Variants in HFM1 observed in about 807,000 individuals in gnomAD.
The protein encoded by HFM1 is helicase for meiosis 1.
In HFM1, 169 loss-of-function variants were observed where a neutral mutation model predicts 192.1. That is an observed-to-expected ratio of 0.88 (90% CI 0.78 to 1.00). The LOEUF is 1.00. Among genes scored for constraint, HFM1 ranks in the 50% least tolerant of loss-of-function variants. The pLI is 0.00. For synonymous variants in HFM1, 525 were observed against 537.8 expected (o/e 0.98, Z 0.33); for missense variants, 1,661 against 1,668.0 (o/e 1.00, Z 0.07).
In HFM1 at chr1:91,319,302, T is replaced by C. The variant is rs1286723011; in HGVS notation, c.2671A>G (p.Ile891Val). The C allele has an allele frequency of 2.5e-6, 4 of 1,609,480 alleles. No homozygotes were observed. Among genetic ancestry groups the C allele is most frequent in the Non-Finnish European group, 3.4e-6 (4 of 1,175,962 alleles). ...TAATCCTGTAACATACATCTTGTAA[T>C]TCGGGAGCCATGTCTGAAAATCTTT... Reference protein sequence around the residue: ...TAKIFRHGSRITRWLSDFVAA... With the variant: ...TAKIFRHGSRVTRWLSDFVAA... The change falls in exon 24 of 39, where the codon ATT (isoleucine) becomes GTT (valine). Residue 891 changes from isoleucine (I) to valine (V), a missense_variant. Coordinates refer to ENST00000370425, the MANE Select transcript of HFM1 (RefSeq NM_001017975.6).
chr1:91,292,751 C>T (rs1364242424), intron 30 of HFM1, among the ~76,000 whole-genome samples: 2 of 152,136 alleles, frequency 1.3e-5, no homozygotes, highest in Non-Finnish European at 2.9e-5. Flanking sequence ...CCAAGTCAAT[C>T]CTAAGCCAAA....
chr1:91,350,676 G>C, intron 18 of HFM1, 62 bp downstream of exon 18: 1 of 1,475,870 alleles, frequency 6.8e-7, no homozygotes, highest in Non-Finnish European at 9.4e-7. Context: ...TAACTTATTA[G>C]TATAAATACA....
intron 20 of HFM1, among the ~76,000 whole-genome samples, chr1:91,341,705 A>C (rs1372481416): frequency 6.6e-6 from 1 of 152,146 alleles, no homozygotes; most frequent in Non-Finnish European, 1.5e-5. Context: ...ATAACAAACA[A>C]AAAAACAGAA....
intron 2 of HFM1, among the ~76,000 whole-genome samples, chr1:91,399,366 T>C (rs1230748884): frequency 6.6e-6 from 1 of 152,176 alleles, no homozygotes; most frequent in Non-Finnish European, 1.5e-5. Context: ...CTCTAGATTA[T>C]ACCTACAGTT....
rs892526483 is a variant in HFM1, at chr1:91,313,490, G to A, written c.3250C>T (p.Leu1084Phe). ...INLISSEFVG[L>F]DIQQKLTVFY... Reference sequence around the variant, plus strand: ...ACTGTAAGTTTCTGCTGAATATCAAGCCCAACTGGAAAATGAAAAAAAAGT... The same window carrying A: ...ACTGTAAGTTTCTGCTGAATATCAAACCCAACTGGAAAATGAAAAAAAAGT... The change falls in exon 30 of 39, where the codon CTT becomes TTT. Residue 1084 changes from leucine to phenylalanine, a missense_variant. Leu to Phe is a conservative substitution (Grantham distance 22). Coordinates refer to ENST00000370425, the MANE Select transcript of HFM1 (RefSeq NM_001017975.6). The A allele has an allele frequency of 6.4e-7, 1 of 1,570,662 alleles. No individual in the cohort carries two copies. The highest frequency in any genetic ancestry group is 8.6e-7 in the Non-Finnish European group (1 of 1,160,046).
chr1:91,340,603 T>C (rs1557876172), intron 20 of HFM1, among the ~76,000 whole-genome samples: 1 of 152,024 alleles, frequency 6.6e-6, no homozygotes, highest in Non-Finnish European at 1.5e-5. Flanking sequence ...CATACCAATA[T>C]CAACCTTGAA....
At chr1:91,347,499 A>G in intron 18 of HFM1, 23 bp from the exon 19 acceptor site, 1 of 1,556,934 alleles carries the variant, frequency 6.4e-7, no homozygotes, top group Non-Finnish European at 8.8e-7. Context: ...AAAAAGTAAA[A>G]TAGAATTTAG....
chr1:91,407,829 G>C (rs1251916398), upstream of HFM1, among the ~76,000 whole-genome samples: 4 of 152,228 alleles, frequency 2.6e-5, no homozygotes, highest in African/African-American at 9.6e-5. Context: ...AATGCCATGA[G>C]TTCTAGCTGA....
At chr1:91,273,470 C>A (rs281965) in intron 34 of HFM1, among the ~76,000 whole-genome samples, 151,990 of 152,172 alleles carry the variant, frequency 1, 75,904 homozygotes, top group Non-Finnish European at 1. Flanking sequence ...CTCATAGTAT[C>A]TTTAAATTAA....
intron 11 of HFM1, among the ~76,000 whole-genome samples, chr1:91,376,518 G>A (rs796392172): frequency 1.3e-5 from 2 of 151,738 alleles, no homozygotes; most frequent in African/African-American, 4.8e-5. Context: ...ATCACAAAGG[G>A]GAAAAGTTTC....
chr1:91,375,260 G>C (rs907152780), intron 13 of HFM1, 98 bp downstream of exon 13: 2 of 755,776 alleles, frequency 2.6e-6, no homozygotes, highest in African/African-American at 3.5e-5. Context: ...AGGACACTGA[G>C]GTTTACCCCA....
At chr1:91,321,654 C>T (rs1206416454) in intron 23 of HFM1, among the ~76,000 whole-genome samples, 1 of 152,098 alleles carries the variant, frequency 6.6e-6, no homozygotes, top group African/African-American at 2.4e-5. Context: ...ATTAAGACCC[C>T]TCCATCCCAC....
intron 13 of HFM1, among the ~76,000 whole-genome samples, chr1:91,371,821 T>G (rs912176400): frequency 1.4e-4 from 22 of 152,062 alleles, no homozygotes; most frequent in Admixed American, 1.2e-3. Flanking sequence ...TGGGAGAAAA[T>G]TTTTGCCATC....
At chr1:91,369,332 TG>T (rs1455810058) in intron 13 of HFM1, among the ~76,000 whole-genome samples, 1 of 152,124 alleles carries the variant, frequency 6.6e-6, no homozygotes, top group Non-Finnish European at 1.5e-5. Context: ...ATTCCAAAAT[TG>T]ACCACATAGT....
At chr1:91,324,323 T>C (rs1054108979) in intron 21 of HFM1, among the ~76,000 whole-genome samples, 3 of 152,232 alleles carry the variant, frequency 2.0e-5, no homozygotes, top group African/African-American at 7.2e-5. Flanking sequence ...ACTTTCCTAA[T>C]ATATCACACC....
At position 91,347,892 on chromosome 1, in the gene HFM1, G is replaced by GAT. The variant is rs1318489711; in HGVS notation, c.2207-418_2207-417dup. ...ATATACATATACATGTGTATCAAAA[G>GAT]ATATACATATAACAATGTTCACAGC... On this transcript the variant is annotated intron_variant, in intron 18 of 38. Coordinates refer to ENST00000370425, the MANE Select transcript of HFM1 (RefSeq NM_001017975.6). 2.0e-5 allele frequency among the ~76,000 whole-genome samples: 3 copies of GAT among 152,048 alleles called. No individual in the cohort carries two copies. In the East Asian group the frequency reaches 5.8e-4, roughly 29 times the overall value.
At chr1:91,339,639 T>C (rs541715254) in intron 20 of HFM1, among the ~76,000 whole-genome samples, 2 of 151,946 alleles carry the variant, frequency 1.3e-5, no homozygotes, top group South Asian at 2.1e-4. Flanking sequence ...CCAAGAAATA[T>C]GGGATTATGT....
chr1:91,394,685 T>C (rs942125336), intron 3 of HFM1, among the ~76,000 whole-genome samples: 4 of 152,140 alleles, frequency 2.6e-5, no homozygotes, highest in African/African-American at 9.6e-5. Flanking sequence ...TTTAATTTCT[T>C]TCTGACCCAT....
At chr1:91,296,941 G>C (rs915868375) in intron 30 of HFM1, among the ~76,000 whole-genome samples, 4 of 152,122 alleles carry the variant, frequency 2.6e-5, no homozygotes, top group African/African-American at 4.8e-5. Flanking sequence ...TCAGACAGTG[G>C]GTGCAGGACA....
Sources: gnomAD v4.1 joint callset for allele counts (sites outside exome capture counted in the v4.1 genomes callset) on GRCh38, gnomAD v4.1.1 for gene constraint, MANE v1.5 for transcripts, NCBI Gene and HGNC (gene_info 2026-07-23, HGNC 2026-07-21) for gene names.